The following BBX variants were observed in gnomAD, a reference collection of about 807,000 sequenced individuals.
BBX encodes the protein HMG box transcription factor BBX.
In BBX, 30 loss-of-function variants were observed where a neutral mutation model predicts 100.2. The ratio of observed to expected loss-of-function variants is 0.30; its 90% CI spans 0.22 to 0.41. BBX has a LOEUF of 0.41. Ranked by LOEUF, BBX falls within the 10% of genes least tolerant of loss-of-function variation. BBX has a pLI of 1.00. For missense variants in BBX, 1,023 were observed against 1,129.8 expected (o/e 0.91, Z 1.35); for synonymous variants, 376 against 388.1 (o/e 0.97, Z 0.37).
intron 10 of BBX, among the ~76,000 whole-genome samples, chr3:107,769,231 C>CAGACAGACAGAT (rs745763748): frequency 4.1e-5 from 4 of 98,486 alleles, no homozygotes; most frequent in Admixed American, 1.1e-4. Flanking sequence ...GATAGATAGA[C>CAGACAGACAGAT]AGATAGATAG....
At chr3:107,728,687 G>T in intron 5 of BBX, 78 bp from the exon 6 acceptor site, 1 of 1,296,080 alleles carries the variant, frequency 7.7e-7, no homozygotes, top group South Asian at 1.4e-5. Flanking sequence ...ATCTAAATAG[G>T]GGAATGGGGT....
intron 3 of BBX, among the ~76,000 whole-genome samples, chr3:107,684,938 G>A (rs1422006066): frequency 1.3e-5 from 2 of 152,138 alleles, no homozygotes; most frequent in Non-Finnish European, 2.9e-5. Flanking sequence ...CCTTTTTTAA[G>A]AGCTGTTTTA....
chr3:107,717,642 A>G (rs961386139), intron 5 of BBX, among the ~76,000 whole-genome samples: 2 of 152,230 alleles, frequency 1.3e-5, no homozygotes, highest in South Asian at 4.2e-4. Context: ...CCATGTAGGA[A>G]GGCTATTCAG....
At chr3:107,701,685 G>T (rs2061065195) in intron 3 of BBX, among the ~76,000 whole-genome samples, 3 of 152,116 alleles carry the variant, frequency 2.0e-5, no homozygotes, top group South Asian at 4.1e-4. Context: ...TTGTCTTCCT[G>T]TGCTTTGAGT....
chr3:107,689,315 G>A (rs1303915355), intron 3 of BBX, among the ~76,000 whole-genome samples: 3 of 152,088 alleles, frequency 2.0e-5, no homozygotes, highest in African/African-American at 4.8e-5. Flanking sequence ...CTTCCCTTAC[G>A]TGCTGTGTTG....
At chr3:107,606,807 T>C (rs1403819843) in intron 2 of BBX, among the ~76,000 whole-genome samples, 1 of 152,180 alleles carries the variant, frequency 6.6e-6, no homozygotes, top group African/African-American at 2.4e-5. Flanking sequence ...AATCCGATTA[T>C]ACTCTTTTAG....
Position 107,772,752 on chromosome 3 carries a change from AAAC to A in BBX, c.1033_1035del (p.Thr345del), listed in dbSNP as rs768617803. 1 of 1,612,972 alleles carries A rather than the reference AAAC, an allele frequency of 6.2e-7. No individual in the cohort carries two copies. Among genetic ancestry groups the A allele is most frequent in the South Asian group, 1.1e-5 (1 of 90,540 alleles). ...GAAGAAAAAGAAATTAAAATGGAGAAAACAGATGAAACTAGGTTACAGAAGGAA... is the reference window on the plus strand; with the variant it reads ...GAAGAAAAAGAAATTAAAATGGAGAAAGATGAAACTAGGTTACAGAAGGAA... On this transcript the variant is annotated inframe_deletion, in exon 11 of 18. Coordinates refer to ENST00000325805, the MANE Select transcript of BBX (RefSeq NM_001142568.3).
chr3:107,638,789 AC>A lies in BBX; in HGVS notation c.-83-7046del, dbSNP rs1381224720. ...AAAAAAAAAAAAAGTATACACACACACACACACACACACACACACACACACA... is the reference window on the plus strand; with the variant it reads ...AAAAAAAAAAAAAGTATACACACACAACACACACACACACACACACACACA... On this transcript the variant is annotated intron_variant, in intron 2 of 17. Transcript: ENST00000325805. Among the ~76,000 whole-genome samples the A allele has an allele frequency of 1.4e-3, 27 of 19,802 alleles. 2 individuals carry two copies. Among genetic ancestry groups the A allele is most frequent in the African/African-American group, 0.011 (22 of 1,996 alleles). The allele number at this position is 19,802 out of a possible 152,430, so 13.0% of individuals were successfully genotyped here.
intron 2 of BBX, among the ~76,000 whole-genome samples, chr3:107,565,652 T>A (rs2050840288): frequency 6.6e-6 from 1 of 151,562 alleles, no homozygotes; most frequent in African/African-American, 2.4e-5. Context: ...GTATTTTTAG[T>A]AGAGATGGGG....
At chr3:107,641,722 G>A (rs924575) in intron 2 of BBX, 17 of 152,220 alleles carry the variant, frequency 1.1e-4, no homozygotes, top group African/African-American at 3.9e-4. Flanking sequence ...AAGTGACAAA[G>A]AGGTAATTCA....
chr3:107,570,244 TG>T (rs1388656974), intron 2 of BBX, among the ~76,000 whole-genome samples: 1 of 152,234 alleles, frequency 6.6e-6, no homozygotes, highest in African/African-American at 2.4e-5. Flanking sequence ...CGTTGCTACT[TG>T]GCTGCCTCTG....
intron 2 of BBX, among the ~76,000 whole-genome samples, chr3:107,587,540 AT>A (rs113011752): frequency 6.6e-6 from 1 of 152,220 alleles, no homozygotes; most frequent in African/African-American, 2.4e-5. Context: ...TAGTTATTAA[AT>A]TTTGGGTTTC....
intron 2 of BBX, among the ~76,000 whole-genome samples, chr3:107,605,652 C>T (rs566342117): frequency 1.3e-5 from 2 of 152,222 alleles, no homozygotes; most frequent in South Asian, 2.1e-4. Context: ...AGAGTAATAT[C>T]GTTTTGTTCT....
At chr3:107,795,676 T>G (rs1048016432) in intron 15 of BBX, among the ~76,000 whole-genome samples, 2 of 148,520 alleles carry the variant, frequency 1.3e-5, no homozygotes, top group Admixed American at 6.7e-5. Context: ...TTCACTCCTT[T>G]ACTTTCCTCC....
At chr3:107,708,039 C>T (rs2061488847) in intron 3 of BBX, among the ~76,000 whole-genome samples, 1 of 152,170 alleles carries the variant, frequency 6.6e-6, no homozygotes. Context: ...ACCACTCAAG[C>T]AACTCATCCT....
intron 3 of BBX, among the ~76,000 whole-genome samples, chr3:107,664,702 C>A (rs567616114): frequency 6.6e-6 from 1 of 152,270 alleles, no homozygotes; most frequent in Admixed American, 6.5e-5. Flanking sequence ...TGTTCTCTTG[C>A]AATAAATGAA....
At chr3:107,565,931 T>A (rs996304256) in intron 2 of BBX, among the ~76,000 whole-genome samples, 8 of 151,908 alleles carry the variant, frequency 5.3e-5, no homozygotes, top group Non-Finnish European at 1.0e-4. Flanking sequence ...CCTAGCACTT[T>A]GAGAGGCTGA....
At chr3:107,751,402 C>T (rs1455144992) in intron 9 of BBX, among the ~76,000 whole-genome samples, 1 of 152,180 alleles carries the variant, frequency 6.6e-6, no homozygotes, top group Admixed American at 6.5e-5. Flanking sequence ...ACTCTTTTAA[C>T]ACTGGGAAAA....
At chr3:107,796,589 T>C (rs2069695228) in intron 15 of BBX, among the ~76,000 whole-genome samples, 1 of 152,190 alleles carries the variant, frequency 6.6e-6, no homozygotes, top group African/African-American at 2.4e-5. Context: ...CATTGTAAAT[T>C]CAGATTTTGG....
Sources: gnomAD v4.1 joint callset for allele counts (sites outside exome capture counted in the v4.1 genomes callset) on GRCh38, gnomAD v4.1.1 for gene constraint, MANE v1.5 for transcripts, NCBI Gene and HGNC (gene_info 2026-07-23, HGNC 2026-07-21) for gene names.